Variants in TBC1D7 observed in about 807,000 individuals in gnomAD.
TBC1D7 encodes TBC1 domain family member 7.
A neutral mutation model predicts 35.3 loss-of-function variants in TBC1D7; 33 were observed. That is an observed-to-expected ratio of 0.93 (90% CI 0.71 to 1.25). The LOEUF (loss-of-function observed/expected upper bound fraction) is 1.25, where lower values mean the gene tolerates loss of function less well. Among genes scored for constraint, TBC1D7 ranks in the 50% most tolerant of loss-of-function variants. TBC1D7 has a pLI of 0.00. For missense variants in TBC1D7, 362 were observed against 365.3 expected (o/e 0.99, Z 0.07); for synonymous variants, 135 against 129.5 (o/e 1.04, Z -0.29).
rs1784000015 is a variant in TBC1D7 at position 13,320,970 on chromosome 6, C to T, written c.319G>A (p.Val107Ile). Reference sequence around the variant, plus strand: ...TCCAGCTGATACATGCGGAGATAGACTTCAGCCTGAGGTGTGGCATCACTA... The same window carrying T: ...TCCAGCTGATACATGCGGAGATAGATTTCAGCCTGAGGTGTGGCATCACTA... ...FVSDATPQAE[V>I]YLRMYQLESG... Residue 107 changes from valine to isoleucine, a missense_variant, in exon 4 of 8, where the codon GTC becomes ATC. By Grantham distance (29) the Val-to-Ile change is conservative. Transcript: ENST00000379300. The T allele has an allele frequency of 9.3e-6, 15 of 1,614,218 alleles. No individual in the cohort carries two copies. Among genetic ancestry groups the T allele is most frequent in the African/African-American group, 6.7e-5 (5 of 75,060 alleles).
intron 5 of TBC1D7, among the ~76,000 whole-genome samples, chr6:13,312,693 G>GAAAA (rs34967695): frequency 9.7e-6 from 1 of 102,582 alleles, no homozygotes; most frequent in Middle Eastern, 5.4e-3. Flanking sequence ...CTCCATCTCA[G>GAAAA]AAAAAAAAAA....
At chr6:13,322,474 T>A (rs1347332804) in intron 3 of TBC1D7, among the ~76,000 whole-genome samples, 2 of 152,024 alleles carry the variant, frequency 1.3e-5, no homozygotes, top group African/African-American at 2.4e-5. Flanking sequence ...ATATCTAATA[T>A]CATACAGTTG....
chr6:13,324,467 G>A (rs1431416128), intron 3 of TBC1D7, among the ~76,000 whole-genome samples: 1 of 152,122 alleles, frequency 6.6e-6, no homozygotes, highest in Non-Finnish European at 1.5e-5. Context: ...GGATGGTAAT[G>A]GATAGGAATT....
At chr6:13,320,359 T>C (rs1783942668) in intron 4 of TBC1D7, 2 of 214,628 alleles carry the variant, frequency 9.3e-6, no homozygotes, top group Admixed American at 5.3e-5. Context: ...GACTGTACTA[T>C]GGCTATCTAC....
chr6:13,324,928 C>A (rs1291669972), intron 3 of TBC1D7, among the ~76,000 whole-genome samples, 166 bp downstream of exon 3: 1 of 152,186 alleles, frequency 6.6e-6, no homozygotes, highest in Admixed American at 6.5e-5. Context: ...TCTATAGTAT[C>A]ATTAATAGAA....
intron 5 of TBC1D7, among the ~76,000 whole-genome samples, chr6:13,312,231 A>G (rs1783266882): frequency 6.6e-6 from 1 of 152,182 alleles, no homozygotes; most frequent in South Asian, 2.1e-4. Context: ...TAATACACCA[A>G]CCAGACGGGG....
At chr6:13,324,480 A>G (rs1353707207) in intron 3 of TBC1D7, among the ~76,000 whole-genome samples, 2 of 152,174 alleles carry the variant, frequency 1.3e-5, no homozygotes, top group Non-Finnish European at 2.9e-5. Flanking sequence ...TAGGAATTAT[A>G]TGCTCCAGCA....
chr6:13,327,685 A>G (rs1400211937), intron 1 of TBC1D7: 2 of 152,232 alleles, frequency 1.3e-5, no homozygotes, highest in Non-Finnish European at 2.9e-5. Context: ...TACCGCAAGA[A>G]CTCAAAAAGT....
chr6:13,313,321 A>G (rs2496148), intron 5 of TBC1D7, among the ~76,000 whole-genome samples: 44,170 of 152,150 alleles, frequency 0.29, 6,630 homozygotes, highest in South Asian at 0.46. Context: ...AAATTAAAAT[A>G]AGATGCCATT....
chr6:13,327,997 A>G (rs1288541479), intron 1 of TBC1D7: 2 of 152,204 alleles, frequency 1.3e-5, no homozygotes, highest in Non-Finnish European at 2.9e-5. Context: ...ATGAAATGCT[A>G]AAGGGCTCTG....
chr6:13,310,352 T>C (rs1332726544), intron 5 of TBC1D7, among the ~76,000 whole-genome samples: 1 of 152,198 alleles, frequency 6.6e-6, no homozygotes, highest in Non-Finnish European at 1.5e-5. Context: ...GAGAATATTT[T>C]GTAGGCTGGG....
intron 2 of TBC1D7, 43 bp downstream of exon 2, chr6:13,326,744 G>C: frequency 8.0e-7 from 1 of 1,247,734 alleles, no homozygotes; most frequent in South Asian, 1.2e-5. Flanking sequence ...AGAACATGTG[G>C]AGTGATTGAG....
At chr6:13,313,638 T>C (rs2439546) in intron 5 of TBC1D7, among the ~76,000 whole-genome samples, 80,519 of 151,986 alleles carry the variant, frequency 0.53, 23,348 homozygotes, top group African/African-American at 0.76. Flanking sequence ...AGAGCAAATT[T>C]GTAACAGGAA....
Position 13,305,592 on chromosome 6 carries a change from C to T in TBC1D7, c.796-405G>A, listed in dbSNP as rs1782754559. ...ATGATGATTATTCATTTATTCAACGCATATTGACTCAGTACTTTATTATAA... is the reference window on the plus strand; with the variant it reads ...ATGATGATTATTCATTTATTCAACGTATATTGACTCAGTACTTTATTATAA... On this transcript the variant is annotated intron_variant, in intron 7 of 7. Coordinates refer to ENST00000379300, the MANE Select transcript of TBC1D7 (RefSeq NM_016495.6). The T allele has an allele frequency of 1.4e-5, 3 of 208,282 alleles. No homozygotes were observed. The Admixed American group carries it at 1.6e-4, about 11-fold the overall frequency. 12.9% of individuals were successfully genotyped at this position (208,282 alleles called of 1,614,324 possible). A position where few individuals can be genotyped will look rare whatever the true frequency, so the allele number is the denominator to read the frequency against.
At chr6:13,315,709 T>A (rs1336634047) in intron 5 of TBC1D7, among the ~76,000 whole-genome samples, 1 of 152,136 alleles carries the variant, frequency 6.6e-6, no homozygotes, top group African/African-American at 2.4e-5. Context: ...AGCATGAGAC[T>A]CCATCTCAAA....
intron 3 of TBC1D7, chr6:13,323,704 C>T (rs1784208429): frequency 6.6e-6 from 1 of 152,264 alleles, no homozygotes; most frequent in African/African-American, 2.4e-5. Flanking sequence ...ATTCTGCAGG[C>T]CTTCCTAGTA....
At chr6:13,306,903 A>G (rs1342357610) in intron 6 of TBC1D7, 1 of 155,560 alleles carries the variant, frequency 6.4e-6, no homozygotes. Context: ...CTAAGGGACA[A>G]CAAAAGATGT....
chr6:13,315,244 C>G lies in TBC1D7; in HGVS notation c.519+1327G>C, dbSNP rs9369989. Among the ~76,000 whole-genome samples the G allele has an allele frequency of 4.4e-3, 669 of 152,276 alleles. 7 individuals are homozygous for G. The highest frequency in any genetic ancestry group is 0.037 in the Middle Eastern group (11 of 294). ...CAACCCCTGAGACAGCAAGACCATC[C>G]TTCCCTCCCTCCTCCTGCTCAGCCT... On this transcript the variant is annotated intron_variant, in intron 5 of 7. Coordinates refer to ENST00000379300, the MANE Select transcript of TBC1D7 (RefSeq NM_016495.6).
At chr6:13,320,563 A>C (rs1783959681) in intron 4 of TBC1D7, 2 of 571,164 alleles carry the variant, frequency 3.5e-6, no homozygotes, top group Non-Finnish European at 6.2e-6. Context: ...ACAATTTTTT[A>C]TTTTTTAACT....
Sources: gnomAD v4.1 joint callset for allele counts (sites outside exome capture counted in the v4.1 genomes callset) on GRCh38, gnomAD v4.1.1 for gene constraint, MANE v1.5 for transcripts, NCBI Gene and HGNC (gene_info 2026-07-23, HGNC 2026-07-21) for gene names.